Variants in MYO5B observed in about 807,000 individuals in gnomAD.
MYO5B encodes unconventional myosin-Vb.
A neutral mutation model predicts 229.3 loss-of-function variants in MYO5B; 143 were observed. The observed-to-expected ratio is 0.62, with a 90% CI of 0.54 to 0.72. The LOEUF (loss-of-function observed/expected upper bound fraction) is 0.72. MYO5B is among the 30% of genes least tolerant of loss of function. MYO5B has a pLI of 0.00. For missense variants in MYO5B, 2,321 were observed against 2,331.0 expected, an observed-to-expected ratio of 1.00 and a Z score of 0.09; for synonymous variants, 918 against 885.2, an observed-to-expected ratio of 1.04 and a Z score of -0.66.
At chr18:50,017,395 G>A (rs965276852) in intron 4 of MYO5B, among the ~76,000 whole-genome samples, 1 of 152,208 alleles carries the variant, frequency 6.6e-6, no homozygotes, top group Non-Finnish European at 1.5e-5. Context: ...AAAGTGCTGG[G>A]ATTACAGGCG....
intron 1 of MYO5B, among the ~76,000 whole-genome samples, chr18:50,150,504 T>TA (rs1301839606): frequency 6.8e-6 from 1 of 147,328 alleles, no homozygotes; most frequent in Admixed American, 6.8e-5. Flanking sequence ...TATGCAGCCA[T>TA]AAAAAATGAT....
At chr18:49,829,751 C>T (rs972009417) in intron 39 of MYO5B, among the ~76,000 whole-genome samples, 14 of 152,108 alleles carry the variant, frequency 9.2e-5, no homozygotes, top group Admixed American at 2.0e-4. Flanking sequence ...TACACCATGA[C>T]CAAGCAAGAT....
chr18:49,873,059 C>T (rs767329969), intron 26 of MYO5B, among the ~76,000 whole-genome samples: 39 of 152,192 alleles, frequency 2.6e-4, no homozygotes, highest in Admixed American at 1.2e-3. Flanking sequence ...ATGACACTAC[C>T]GCAGGTAGTA....
At chr18:50,049,802 C>G (rs572706283) in intron 2 of MYO5B, among the ~76,000 whole-genome samples, 1 of 152,088 alleles carries the variant, frequency 6.6e-6, no homozygotes, top group Non-Finnish European at 1.5e-5. Flanking sequence ...GCAAAGCATC[C>G]TAATCTATGG....
At chr18:49,964,941 C>G (rs1016217678) in intron 10 of MYO5B, among the ~76,000 whole-genome samples, 3 of 152,136 alleles carry the variant, frequency 2.0e-5, no homozygotes, top group Admixed American at 6.5e-5. Flanking sequence ...GCTGGCTACG[C>G]CAAGGGGTCT....
At chr18:49,834,353 A>G (rs1235170835) in intron 39 of MYO5B, among the ~76,000 whole-genome samples, 1 of 152,154 alleles carries the variant, frequency 6.6e-6, no homozygotes, top group Admixed American at 6.6e-5. Flanking sequence ...CTGGCCAACA[A>G]GGTCATTTAA....
chr18:50,144,744 T>C (rs924104040), intron 1 of MYO5B, among the ~76,000 whole-genome samples: 2 of 152,038 alleles, frequency 1.3e-5, no homozygotes, highest in African/African-American at 2.4e-5. Context: ...CAGGAAGAAG[T>C]GTATGGATTA....
At chr18:50,065,298 GA>G (rs1268576722) in intron 1 of MYO5B, among the ~76,000 whole-genome samples, 1 of 152,130 alleles carries the variant, frequency 6.6e-6, no homozygotes, top group Admixed American at 6.5e-5. Flanking sequence ...TGGGCACAGT[GA>G]AGAGGAGACA....
intron 17 of MYO5B, among the ~76,000 whole-genome samples, chr18:49,921,181 G>C (rs2025070845): frequency 6.6e-6 from 1 of 151,914 alleles, no homozygotes; most frequent in Admixed American, 6.6e-5. Flanking sequence ...GGAAGAAGTG[G>C]AAGTCTTTTC....
At position 49,929,897 on chromosome 18, in the gene MYO5B, C is replaced by T. The variant is rs542720527; in HGVS notation, c.2004-299G>A. Among the ~76,000 whole-genome samples the T allele has an allele frequency of 2.0e-5, 3 of 152,272 alleles. No homozygotes were observed. The South Asian group carries it at 6.2e-4, about 32-fold the overall frequency. On this transcript the variant is annotated intron_variant, in intron 16 of 39. Coordinates refer to ENST00000285039, the MANE Select transcript of MYO5B (RefSeq NM_001080467.3). ...GCCCACCCGAATCCTCCCCACCCTC[C>T]AAGACTCATCATTCCTGCTCCTCTC...
At chr18:50,153,376 A>G (rs1312388579) in intron 1 of MYO5B, among the ~76,000 whole-genome samples, 3 of 152,174 alleles carry the variant, frequency 2.0e-5, no homozygotes, top group African/African-American at 7.2e-5. Flanking sequence ...ATGACTTGGA[A>G]TGTAAGACGC....
At chr18:50,026,196 G>C (rs1188736854) in intron 4 of MYO5B, among the ~76,000 whole-genome samples, 1 of 152,136 alleles carries the variant, frequency 6.6e-6, no homozygotes, top group African/African-American at 2.4e-5. Flanking sequence ...TCCACCACAT[G>C]ATCAGTGGTG....
chr18:50,093,208 ACACACACACACACACACAGAGAGG>A (rs1396249873), intron 1 of MYO5B, among the ~76,000 whole-genome samples: 1,262 of 89,312 alleles, frequency 0.014, 17 homozygotes, highest in African/African-American at 0.068. Context: ...ACACACACAG[ACACACACACACACACACAGAGAGG>A]CACACACACA....
chr18:49,950,380 T>A (rs1210509181), intron 14 of MYO5B, among the ~76,000 whole-genome samples: 1 of 152,246 alleles, frequency 6.6e-6, no homozygotes, highest in Non-Finnish European at 1.5e-5. Context: ...CTTAGCAACA[T>A]CTATACACTT....
chr18:50,088,059 T>C (rs545972859), intron 1 of MYO5B, among the ~76,000 whole-genome samples: 2 of 152,282 alleles, frequency 1.3e-5, no homozygotes, highest in East Asian at 3.9e-4. Context: ...GATTTGAAGA[T>C]GCAGAGACAG....
chr18:49,971,800 A>T (rs892474818), intron 10 of MYO5B, among the ~76,000 whole-genome samples: 11 of 152,192 alleles, frequency 7.2e-5, no homozygotes, highest in Non-Finnish European at 1.5e-4. Flanking sequence ...ACTCAGAGAG[A>T]GTGTGAACTC....
In MYO5B at chr18:50,064,175, G is replaced by A. The variant is rs148666069; in HGVS notation, c.28-8797C>T. 360 of 152,872 alleles carry A rather than the reference G, an allele frequency of 2.4e-3. 1 individual carries two copies. Among genetic ancestry groups the A allele is most frequent in the African/African-American group, 7.6e-3 (317 of 41,582 alleles). The allele number at this position is 152,872 out of a possible 1,614,324, so 9.5% of individuals were successfully genotyped here. A position where few individuals can be genotyped will look rare whatever the true frequency, so the allele number is the denominator to read the frequency against. On this transcript the variant is annotated intron_variant, in intron 1 of 39. Transcript: ENST00000285039. ...TGTCCACTTTCAATGAACTTGGATTGTAAATCCCCGAGTCTGAATTGAGCA... is the reference window on the plus strand; with the variant it reads ...TGTCCACTTTCAATGAACTTGGATTATAAATCCCCGAGTCTGAATTGAGCA...
chr18:50,014,672 C>CAA (rs941888483), intron 4 of MYO5B, among the ~76,000 whole-genome samples: 1 of 152,152 alleles, frequency 6.6e-6, no homozygotes, highest in African/African-American at 2.4e-5. Flanking sequence ...ATGAGGAGCC[C>CAA]AAAGGGGACA....
chr18:50,062,301 G>C (rs2144430151), intron 1 of MYO5B, among the ~76,000 whole-genome samples: 1 of 152,310 alleles, frequency 6.6e-6, no homozygotes, highest in Non-Finnish European at 1.5e-5. Context: ...AGTCTGGGCA[G>C]AGTTCCCTGG....
Sources: allele counts gnomAD v4.1 joint callset (sites outside exome capture counted in the v4.1 genomes callset), GRCh38; gene constraint gnomAD v4.1.1; transcripts MANE v1.5; gene names NCBI Gene and HGNC (gene_info 2026-07-23, HGNC 2026-07-21).